GAS2: variants seen among roughly 807,000 people sequenced by gnomAD.
GAS2 encodes the protein growth arrest-specific protein 2.
A neutral mutation model predicts 37.5 loss-of-function variants in GAS2; 20 were observed. The ratio of observed to expected loss-of-function variants is 0.53; its 90% CI spans 0.37 to 0.77. The LOEUF is 0.77. Ranked by LOEUF, GAS2 falls within the 30% of genes least tolerant of loss-of-function variation. GAS2 has a pLI of 0.00. For missense variants in GAS2, 336 were observed against 373.4 expected (o/e 0.90, Z 0.82); for synonymous variants, 144 against 132.2 (o/e 1.09, Z -0.61).
At chr11:22,734,894 G>A (rs147234460) in intron 4 of GAS2, among the ~76,000 whole-genome samples, 2 of 151,824 alleles carry the variant, frequency 1.3e-5, no homozygotes, top group East Asian at 3.9e-4. Context: ...CACTACCAAA[G>A]TCACCTTTTT....
At chr11:22,670,358 T>C (rs999429911) in intron 1 of GAS2, among the ~76,000 whole-genome samples, 1 of 151,454 alleles carries the variant, frequency 6.6e-6, no homozygotes. Flanking sequence ...TTGAGAGGTA[T>C]ATAGCATTTC....
chr11:22,655,330 G>A (rs1848842687), intron 1 of GAS2, among the ~76,000 whole-genome samples: 1 of 152,078 alleles, frequency 6.6e-6, no homozygotes, highest in South Asian at 2.1e-4. Flanking sequence ...TCAGATGTTT[G>A]TTTCCTTCGC....
intron 1 of GAS2, among the ~76,000 whole-genome samples, chr11:22,671,911 T>C (rs1849218850): frequency 6.6e-6 from 1 of 152,132 alleles, no homozygotes. Flanking sequence ...ATTAGCCAAA[T>C]CTAAATCCAA....
chr11:22,727,074 A>G (rs997817519), intron 4 of GAS2, among the ~76,000 whole-genome samples: 2 of 152,102 alleles, frequency 1.3e-5, no homozygotes, highest in Non-Finnish European at 2.9e-5. Flanking sequence ...TCCAAATCAT[A>G]GAATGAGCTT....
At chr11:22,680,205 G>A (rs1372336963) in intron 2 of GAS2, among the ~76,000 whole-genome samples, 1 of 151,936 alleles carries the variant, frequency 6.6e-6, no homozygotes, top group Non-Finnish European at 1.5e-5. Context: ...TAGGACAGAT[G>A]GTATCTTCCG....
chr11:22,755,975 A>G (rs1332496903), intron 7 of GAS2, 22 bp downstream of exon 7: 1 of 1,521,108 alleles, frequency 6.6e-7, no homozygotes, highest in Non-Finnish European at 9.1e-7. Context: ...CTTTTCACTT[A>G]TCTTGTTTTT....
chr11:22,750,495 G>A (rs1014615514), intron 6 of GAS2, among the ~76,000 whole-genome samples: 1 of 151,940 alleles, frequency 6.6e-6, no homozygotes, highest in African/African-American at 2.4e-5. Flanking sequence ...GTTTCTTCTG[G>A]GTAACTGTTC....
intron 7 of GAS2, among the ~76,000 whole-genome samples, chr11:22,762,023 T>C (rs1854419046): frequency 6.6e-6 from 1 of 152,182 alleles, no homozygotes. Flanking sequence ...CCCACCTTTT[T>C]ATCCCCCAGA....
intron 5 of GAS2, among the ~76,000 whole-genome samples, chr11:22,741,264 A>G (rs2134244075): frequency 6.6e-6 from 1 of 152,234 alleles, no homozygotes; most frequent in South Asian, 2.1e-4. Flanking sequence ...CTCTGCTAAT[A>G]TTTCAGAAAA....
At chr11:22,800,462 T>C (rs1311692454) in intron 7 of GAS2, among the ~76,000 whole-genome samples, 1 of 152,068 alleles carries the variant, frequency 6.6e-6, no homozygotes, top group Non-Finnish European at 1.5e-5. Flanking sequence ...GGCGGTAGCA[T>C]GTTCAGATTT....
At chr11:22,738,768 T>G (rs1852889432) in intron 5 of GAS2, among the ~76,000 whole-genome samples, 1 of 152,234 alleles carries the variant, frequency 6.6e-6, no homozygotes, top group African/African-American at 2.4e-5. Context: ...AATTAACCTG[T>G]AATCAGAATA....
chr11:22,644,474 G>A (rs1450396962), intron 1 of GAS2, among the ~76,000 whole-genome samples: 5 of 152,128 alleles, frequency 3.3e-5, no homozygotes, highest in African/African-American at 9.7e-5. Flanking sequence ...ACCACTCTAA[G>A]GGAATAGAGA....
intron 3 of GAS2, among the ~76,000 whole-genome samples, chr11:22,716,367 C>T (rs964399572): frequency 2.0e-5 from 3 of 152,108 alleles, no homozygotes; most frequent in African/African-American, 4.8e-5. Flanking sequence ...GTATTCAGGC[C>T]GGGGGCTCAT....
rs1857233460 is a variant in GAS2 at position 22,812,523 on chromosome 11, A to G, written c.*507A>G. ...TACACATAAGTACAGAGTATTCACAATAGTAATATGTTACTGGAAAGGCCA... is the reference window on the plus strand; with the variant it reads ...TACACATAAGTACAGAGTATTCACAGTAGTAATATGTTACTGGAAAGGCCA... On this transcript the variant is annotated 3_prime_UTR_variant, in exon 8 of 8. Transcript: ENST00000454584. The G allele has an allele frequency of 6.5e-6, 1 of 153,326 alleles. No homozygotes were observed. 9.5% of individuals were successfully genotyped at this position (153,326 alleles called of 1,614,324 possible). A position where few individuals can be genotyped will look rare whatever the true frequency, so the allele number is the denominator to read the frequency against.
chr11:22,745,903 C>T (rs1180417324), intron 5 of GAS2, among the ~76,000 whole-genome samples: 1 of 152,172 alleles, frequency 6.6e-6, no homozygotes, highest in Non-Finnish European at 1.5e-5. Flanking sequence ...GGCACAATGG[C>T]TGACACCTGT....
At chr11:22,747,702 G>T (rs905274910) in intron 5 of GAS2, among the ~76,000 whole-genome samples, 3 of 152,042 alleles carry the variant, frequency 2.0e-5, no homozygotes, top group Non-Finnish European at 2.9e-5. Flanking sequence ...CAAGCAAAGT[G>T]GGGGGTCCAT....
chr11:22,802,199 A>G (rs534474873), intron 7 of GAS2, among the ~76,000 whole-genome samples: 7 of 152,154 alleles, frequency 4.6e-5, no homozygotes, highest in Non-Finnish European at 7.4e-5. Context: ...TGAGCAAACT[A>G]TCACAAGGAC....
chr11:22,770,800 C>T (rs543464546), intron 7 of GAS2, among the ~76,000 whole-genome samples: 46 of 152,242 alleles, frequency 3.0e-4, no homozygotes, highest in Non-Finnish European at 3.1e-4. Flanking sequence ...TTCTCATTGT[C>T]GTTCAAAAAG....
intron 7 of GAS2, among the ~76,000 whole-genome samples, chr11:22,804,531 G>T (rs1856804544): frequency 6.6e-6 from 1 of 152,102 alleles, no homozygotes; most frequent in African/African-American, 2.4e-5. Context: ...TGTACTGTAG[G>T]TTGTACCGTG....
Sources: allele counts gnomAD v4.1 joint callset (sites outside exome capture counted in the v4.1 genomes callset), GRCh38; gene constraint gnomAD v4.1.1; transcripts MANE v1.5; gene names NCBI Gene and HGNC (gene_info 2026-07-23, HGNC 2026-07-21).